PI4KA: variants seen among roughly 807,000 people sequenced by gnomAD.
The protein encoded by PI4KA is PI4-kinase alpha.
A neutral mutation model predicts 271.4 loss-of-function variants in PI4KA; 122 were observed. The observed-to-expected ratio is 0.45, with a 90% CI of 0.39 to 0.52. PI4KA has a LOEUF of 0.52. Among genes scored for constraint, PI4KA ranks in the 20% least tolerant of loss-of-function variants. The pLI is 0.00. For missense variants in PI4KA, 1,969 were observed against 2,769.1 expected (o/e 0.71, Z 6.48); for synonymous variants, 1,041 against 1,078.8 (o/e 0.96, Z 0.69).
chr22:20,793,337 G>A, intron 18 of PI4KA, 94 bp from the exon 19 acceptor site: 1 of 723,822 alleles, frequency 1.4e-6, no homozygotes, highest in Non-Finnish European at 2.4e-6. Context: ...ATGTAAACCT[G>A]GAATGTCTTA....
rs1405789786 is a variant in PI4KA at position 20,721,283 on chromosome 22, G to A, written c.5116+15C>T. The stretch of plus-strand genomic sequence containing the variant: ...AAGACAGTAAGTGAGGCCTGTGGGA[G>A]GACAAAATACTCACGGTCTTTCTGG... On this transcript the variant is annotated intron_variant, in intron 43 of 54. Coordinates refer to ENST00000255882, the MANE Select transcript of PI4KA (RefSeq NM_058004.4). 1 of 1,613,570 alleles carries A rather than the reference G, an allele frequency of 6.2e-7. No homozygotes were observed. The highest frequency in any genetic ancestry group is 1.3e-5 in the African/African-American group (1 of 75,018).
At chr22:20,817,927 C>T (rs1447123232) in intron 7 of PI4KA, among the ~76,000 whole-genome samples, 2 of 151,700 alleles carry the variant, frequency 1.3e-5, no homozygotes, top group African/African-American at 4.8e-5. Context: ...GAGTTCAAGA[C>T]AAGCCTGGCC....
intron 19 of PI4KA, among the ~76,000 whole-genome samples, chr22:20,766,294 A>T (rs960762405): frequency 2.0e-5 from 3 of 152,032 alleles, no homozygotes; most frequent in African/African-American, 7.3e-5. Context: ...GCTTGGGTGC[A>T]GGTGAGGGGC....
chr22:20,717,841 C>T lies in PI4KA; in HGVS notation c.5247-63G>A, dbSNP rs911062187. The T allele has an allele frequency of 1.2e-5, 15 of 1,245,884 alleles. No individual in the cohort carries two copies. In the Admixed American group the frequency reaches 3.0e-4, roughly 25 times the overall value. 77.2% of individuals were successfully genotyped at this position (1,245,884 alleles called of 1,614,324 possible). A position where few individuals can be genotyped will look rare whatever the true frequency, so the allele number is the denominator to read the frequency against. On this transcript the variant is annotated intron_variant, in intron 44 of 54. Coordinates refer to ENST00000255882, the MANE Select transcript of PI4KA (RefSeq NM_058004.4). Reference sequence around the variant, plus strand: ...GAGGAACTGGCTGCTGGGGGACAGCCCAGGGCCCCTCCTGCCTGGATTGCC... The same window carrying T: ...GAGGAACTGGCTGCTGGGGGACAGCTCAGGGCCCCTCCTGCCTGGATTGCC...
intron 20 of PI4KA, 113 bp downstream of exon 20, chr22:20,765,472 G>C: frequency 1.3e-6 from 1 of 793,218 alleles, no homozygotes; most frequent in Non-Finnish European, 2.1e-6. Context: ...GAAAGAAGCA[G>C]CTGCATGTGG....
In PI4KA at chr22:20,713,373, C is replaced by G. The variant is rs12170233; in HGVS notation, c.5479G>C (p.Asp1827His). The change falls in exon 48 of 55, where the codon GAC (aspartate) becomes CAC (histidine). Residue 1827 changes from aspartate (D) to histidine (H), a missense_variant. Asp to His is a moderately conservative substitution (Grantham distance 81). Transcript: ENST00000255882. ...LEKEGLRCRS[D>H]SEDECSTQEA... The stretch of plus-strand genomic sequence containing the variant: ...TGCGTGCTGCACTCATCCTCGGAGT[C>G]TGAGCGGCACCGCAGACCTGCCCGC... 4 of 1,581,416 alleles carry G rather than the reference C, an allele frequency of 2.5e-6. No individual in the cohort carries two copies. In the South Asian group the frequency reaches 4.6e-5, roughly 18 times the overall value.
chr22:20,812,154 T>A (rs1009486274), intron 8 of PI4KA, among the ~76,000 whole-genome samples: 1 of 152,036 alleles, frequency 6.6e-6, no homozygotes, highest in Non-Finnish European at 1.5e-5. Context: ...GGAACAGCCA[T>A]CTGTGAAGGT....
chr22:20,847,774 A>T (rs188611145), intron 1 of PI4KA, among the ~76,000 whole-genome samples: 201 of 152,174 alleles, frequency 1.3e-3, no homozygotes, highest in African/African-American at 4.5e-3. Context: ...AACAAAAAAA[A>T]CCAGTAGAAC....
chr22:20,761,832 C>T (rs115205422), intron 22 of PI4KA, among the ~76,000 whole-genome samples: 4,500 of 152,282 alleles, frequency 0.03, 87 homozygotes, highest in Middle Eastern at 0.061. Flanking sequence ...AACACATGTC[C>T]AGCATGACCC....
chr22:20,858,750 C>T lies in PI4KA; in HGVS notation c.-25G>A. 1.5e-6 allele frequency: 2 copies of T among 1,367,882 alleles called. No individual in the cohort carries two copies. The highest frequency in any genetic ancestry group is 1.5e-5 in the African/African-American group (1 of 65,754). The allele number at this position is 1,367,882 out of a possible 1,614,324, so 84.7% of individuals were successfully genotyped here. ...TCACCTCACGAGCCGCGGCGCTGCC[C>T]GCCGGCTCCCCGCTCCTGGCCCGCG... On this transcript the variant is annotated 5_prime_UTR_variant, in exon 1 of 55. Transcript: ENST00000255882.
At chr22:20,751,593 C>T in intron 26 of PI4KA, 81 bp downstream of exon 26, 1 of 1,240,816 alleles carries the variant, frequency 8.1e-7, no homozygotes, top group Non-Finnish European at 1.2e-6. Context: ...AGAAGCATGC[C>T]ACAACACAGG....
intron 23 of PI4KA, among the ~76,000 whole-genome samples, chr22:20,756,992 T>C (rs1568995204): frequency 6.6e-6 from 1 of 152,230 alleles, no homozygotes; most frequent in Non-Finnish European, 1.5e-5. Flanking sequence ...AGTTTAGCTC[T>C]GGATTACTGG....
chr22:20,781,057 C>G (rs1253618759), intron 19 of PI4KA, among the ~76,000 whole-genome samples: 2 of 152,076 alleles, frequency 1.3e-5, no homozygotes, highest in Non-Finnish European at 2.9e-5. Context: ...TTTCAGGATA[C>G]TTTTGAACTA....
chr22:20,830,939 T>C (rs897254854), intron 3 of PI4KA, among the ~76,000 whole-genome samples: 3 of 152,088 alleles, frequency 2.0e-5, no homozygotes, highest in African/African-American at 7.2e-5. Context: ...GCTCAGCTAA[T>C]TTTTTGTCTT....
At chr22:20,779,968 G>C (rs370070241) in intron 19 of PI4KA, 80 of 1,613,998 alleles carry the variant, frequency 5.0e-5, no homozygotes, top group Non-Finnish European at 6.3e-5. Context: ...TACACACTGC[G>C]GTCAGTCAAT....
In PI4KA at chr22:20,749,966, C is replaced by T; in HGVS notation, c.3182G>A (p.Cys1061Tyr). ...ESIVKDFAAR[C>Y]GMILQEAMKW... is the part of the protein sequence containing the mutation. ...CATGGCCTCCTGGAGGATCATCCCA[C>T]AGCGTGCAGCGAAGTCCTTCACAAT... is the stretch of plus-strand genomic sequence containing the variant. Residue 1061 changes from cysteine (C) to tyrosine (Y), a missense_variant, in exon 28 of 55, where the codon TGT (cysteine) becomes TAT (tyrosine). Around this residue, in one of 13 missense-constraint regions of PI4KA, gnomAD observed 368 missense variants for 544.3 expected, o/e 0.68. Coordinates refer to ENST00000255882, the MANE Select transcript of PI4KA (RefSeq NM_058004.4). 1 of 1,613,648 alleles carries T rather than the reference C, an allele frequency of 6.2e-7. No individual in the cohort carries two copies. The highest frequency in any genetic ancestry group is 8.5e-7 in the Non-Finnish European group (1 of 1,179,524).
At chr22:20,776,365 T>A (rs1236759279) in intron 19 of PI4KA, among the ~76,000 whole-genome samples, 1 of 152,146 alleles carries the variant, frequency 6.6e-6, no homozygotes, top group Non-Finnish European at 1.5e-5. Context: ...AGAAACTGTT[T>A]TCCCGTGTGT....
At chr22:20,766,577 A>G (rs1040471969) in intron 19 of PI4KA, among the ~76,000 whole-genome samples, 1 of 152,202 alleles carries the variant, frequency 6.6e-6, no homozygotes, top group Admixed American at 6.5e-5. Flanking sequence ...AGGCAGGAGA[A>G]CTGCTTGAAC....
intron 29 of PI4KA, among the ~76,000 whole-genome samples, chr22:20,745,224 T>C (rs1929922339): frequency 6.6e-6 from 1 of 152,132 alleles, no homozygotes; most frequent in Non-Finnish European, 1.5e-5. Context: ...GAGAAAAATA[T>C]TTGAAAACTA....
Sources: gnomAD v4.1 joint callset for allele counts (sites outside exome capture counted in the v4.1 genomes callset) on GRCh38, gnomAD v4.1.1 for gene constraint, gnomAD v4.1.1 regional missense constraint, MANE v1.5 for transcripts, NCBI Gene and HGNC (gene_info 2026-07-23, HGNC 2026-07-21) for gene names.